PLXDC2: variants seen among roughly 807,000 people sequenced by gnomAD.
PLXDC2 encodes plexin domain-containing protein 2.
PLXDC2 carries 40 observed loss-of-function variants against 68.9 expected under a neutral mutation model. That is an observed-to-expected ratio of 0.58 (90% CI 0.45 to 0.76). PLXDC2 has a LOEUF of 0.76. Among genes scored for constraint, PLXDC2 ranks in the 30% least tolerant of loss-of-function variants. The pLI is 0.00. For synonymous variants in PLXDC2, 243 were observed against 234.2 expected, an observed-to-expected ratio of 1.04 and a Z score of -0.34; for missense variants, 644 against 661.9, an observed-to-expected ratio of 0.97 and a Z score of 0.30.
At chr10:19,993,469 G>C (rs1300969573) in intron 1 of PLXDC2, among the ~76,000 whole-genome samples, 2 of 151,992 alleles carry the variant, frequency 1.3e-5, no homozygotes, top group African/African-American at 4.8e-5. Flanking sequence ...TCCATGGCTG[G>C]AGTGCAGTGG....
intron 1 of PLXDC2, among the ~76,000 whole-genome samples, chr10:19,905,217 T>C (rs1417974574): frequency 6.6e-6 from 1 of 152,224 alleles, no homozygotes; most frequent in African/African-American, 2.4e-5. Flanking sequence ...AATTGGTGTA[T>C]GAATGGGTTC....
chr10:20,121,239 C>T (rs947170840), intron 4 of PLXDC2, among the ~76,000 whole-genome samples: 8 of 152,110 alleles, frequency 5.3e-5, no homozygotes, highest in Admixed American at 3.3e-4. Context: ...AGTATTAGGG[C>T]GGCAGCAGCC....
intron 3 of PLXDC2, among the ~76,000 whole-genome samples, chr10:20,055,220 T>C (rs1835975995): frequency 6.6e-6 from 1 of 152,112 alleles, no homozygotes; most frequent in African/African-American, 2.4e-5. Context: ...ACTACTTGAA[T>C]ATACATAGAA....
intron 4 of PLXDC2, among the ~76,000 whole-genome samples, chr10:20,075,212 AG>A (rs766527354): frequency 1.5e-4 from 23 of 152,272 alleles, no homozygotes; most frequent in Middle Eastern, 3.4e-3. Flanking sequence ...TTTTGTAGAC[AG>A]GATCTCACTC....
chr10:20,124,614 G>A (rs546178165), intron 4 of PLXDC2, among the ~76,000 whole-genome samples: 1 of 152,152 alleles, frequency 6.6e-6, no homozygotes, highest in South Asian at 2.1e-4. Context: ...GGTGCAGGCG[G>A]GCTGAGTCCG....
chr10:20,098,034 G>A (rs1833374145), intron 4 of PLXDC2, among the ~76,000 whole-genome samples: 2 of 151,170 alleles, frequency 1.3e-5, no homozygotes, highest in African/African-American at 4.9e-5. Context: ...CTATATGGCG[G>A]ATATAAAATA....
At chr10:20,102,493 A>G (rs551933373) in intron 4 of PLXDC2, among the ~76,000 whole-genome samples, 2 of 152,300 alleles carry the variant, frequency 1.3e-5, no homozygotes, top group Admixed American at 1.3e-4. Flanking sequence ...AATGGACTAT[A>G]TGTCTGTCCT....
intron 5 of PLXDC2, among the ~76,000 whole-genome samples, chr10:20,146,420 T>C (rs1417272727): frequency 4.6e-5 from 7 of 150,918 alleles, no homozygotes; most frequent in Non-Finnish European, 1.0e-4. Context: ...TCCTTTTCTT[T>C]CTTTCTTTCT....
chr10:19,956,558 A>G (rs1220272213), intron 1 of PLXDC2, among the ~76,000 whole-genome samples: 1 of 152,230 alleles, frequency 6.6e-6, no homozygotes, highest in Non-Finnish European at 1.5e-5. Flanking sequence ...TTGTGAATTT[A>G]CAAATCTCTG....
At chr10:20,252,025 G>A (rs1352389444) in intron 13 of PLXDC2, among the ~76,000 whole-genome samples, 1 of 151,800 alleles carries the variant, frequency 6.6e-6, no homozygotes, top group Non-Finnish European at 1.5e-5. Context: ...CAGAGAGAAA[G>A]GAGTCAGTTC....
intron 2 of PLXDC2, among the ~76,000 whole-genome samples, chr10:20,036,444 A>G (rs1448420635): frequency 6.6e-6 from 1 of 152,194 alleles, no homozygotes; most frequent in Non-Finnish European, 1.5e-5. Context: ...ACTGTGAGAC[A>G]TAAATTTCTG....
chr10:20,037,626 T>C (rs1464518599), intron 2 of PLXDC2, among the ~76,000 whole-genome samples: 1 of 152,172 alleles, frequency 6.6e-6, no homozygotes, highest in African/African-American at 2.4e-5. Flanking sequence ...TTTCATTTAA[T>C]AAATGAACCA....
At chr10:19,990,695 G>T (rs1834732436) in intron 1 of PLXDC2, among the ~76,000 whole-genome samples, 1 of 151,700 alleles carries the variant, frequency 6.6e-6, no homozygotes. Context: ...ATGTAATTTT[G>T]TTGATTGTGG....
chr10:20,140,292 C>G (rs2460597), intron 4 of PLXDC2, among the ~76,000 whole-genome samples: 81,432 of 151,418 alleles, frequency 0.54, 22,225 homozygotes, highest in Middle Eastern at 0.62. Flanking sequence ...GAGCGAGACT[C>G]CATCTCAAAA....
intron 1 of PLXDC2, among the ~76,000 whole-genome samples, chr10:19,823,427 T>C (rs933317988): frequency 6.6e-6 from 1 of 151,948 alleles, no homozygotes; most frequent in Non-Finnish European, 1.5e-5. Flanking sequence ...ACACCTGTGA[T>C]CCCAGCACTT....
intron 2 of PLXDC2, among the ~76,000 whole-genome samples, chr10:20,028,738 C>A (rs778354287): frequency 2.0e-5 from 3 of 152,054 alleles, no homozygotes; most frequent in Non-Finnish European, 2.9e-5. Flanking sequence ...TGTTGGTAAC[C>A]CAGTATGAGC....
At chr10:20,072,389 G>C (rs1315360838) in intron 4 of PLXDC2, among the ~76,000 whole-genome samples, 1 of 139,358 alleles carries the variant, frequency 7.2e-6, no homozygotes, top group East Asian at 2.1e-4. Context: ...AAGAGAGAAA[G>C]AGGAAAGAAA....
At chr10:20,173,874 C>T (rs549470609) in intron 7 of PLXDC2, among the ~76,000 whole-genome samples, 2 of 152,216 alleles carry the variant, frequency 1.3e-5, no homozygotes, top group East Asian at 1.9e-4. Flanking sequence ...TGGAAGTTGT[C>T]GTTAATTGGC....
intron 9 of PLXDC2, among the ~76,000 whole-genome samples, chr10:20,179,009 C>G (rs1834565874): frequency 6.6e-6 from 1 of 151,994 alleles, no homozygotes; most frequent in South Asian, 2.1e-4. Context: ...ATATGCATAT[C>G]AGAAGTTATT....
Sources: gnomAD v4.1 joint callset for allele counts (sites outside exome capture counted in the v4.1 genomes callset) on GRCh38, gnomAD v4.1.1 for gene constraint, MANE v1.5 for transcripts, NCBI Gene and HGNC (gene_info 2026-07-23, HGNC 2026-07-21) for gene names.